The following NDE1 variants were observed in gnomAD, a reference collection of about 807,000 sequenced individuals.
The protein encoded by NDE1 is nudE neurodevelopment protein 1.
Under a neutral mutation model 43.4 loss-of-function variants are expected in NDE1, and 28 were observed. The observed-to-expected ratio is 0.65, with a 90% confidence interval of 0.48 to 0.89. The LOEUF is 0.89. Among genes scored for constraint, NDE1 ranks in the 40% least tolerant of loss-of-function variants. The pLI is 0.00. For synonymous variants in NDE1, 184 were observed against 172.0 expected (o/e 1.07, Z -0.55); for missense variants, 441 against 434.1 (o/e 1.02, Z -0.14).
chr16:15,653,751 G>A (rs1187999755), intron 1 of NDE1, among the ~76,000 whole-genome samples: 4 of 148,734 alleles, frequency 2.7e-5, no homozygotes, highest in Admixed American at 6.7e-5. Context: ...TTTTTGAGAC[G>A]GGTTCTCGCT....
chr16:15,659,853 A>C (rs1405481513), intron 1 of NDE1, among the ~76,000 whole-genome samples: 3 of 151,178 alleles, frequency 2.0e-5, no homozygotes, highest in African/African-American at 7.3e-5. Context: ...GGTTCAAGCA[A>C]TTCTCCTGCC....
At chr16:15,661,465 G>A (rs1294644587) in intron 1 of NDE1, among the ~76,000 whole-genome samples, 1 of 150,808 alleles carries the variant, frequency 6.6e-6, no homozygotes, top group Non-Finnish European at 1.5e-5. Flanking sequence ...CCTTTTGATT[G>A]TCCTTTTTTT....
At chr16:15,716,638 C>T (rs1218295919) in intron 8 of NDE1, among the ~76,000 whole-genome samples, 1 of 152,298 alleles carries the variant, frequency 6.6e-6, no homozygotes, top group Non-Finnish European at 1.5e-5. Context: ...TCTCCTGCCT[C>T]AGTCTCCTGA....
At chr16:15,683,972 T>A (rs2038308124) in intron 4 of NDE1, among the ~76,000 whole-genome samples, 2 of 152,222 alleles carry the variant, frequency 1.3e-5, no homozygotes, top group Non-Finnish European at 2.9e-5. Flanking sequence ...GGCTCACGCC[T>A]GTAATCCCAG....
intron 6 of NDE1, among the ~76,000 whole-genome samples, chr16:15,692,538 T>C (rs1489687372): frequency 1.3e-5 from 2 of 151,778 alleles, no homozygotes. Flanking sequence ...GCCTCCTGAG[T>C]AAGCTTGAAT....
At chr16:15,644,281 C>G (rs1266798674) in intron 1 of NDE1, among the ~76,000 whole-genome samples, 1 of 152,166 alleles carries the variant, frequency 6.6e-6, no homozygotes, top group Non-Finnish European at 1.5e-5. Flanking sequence ...CCAAAAAAAT[C>G]CTTACTGGGA....
chr16:15,646,638 A>G (rs2036335205), upstream of NDE1, among the ~76,000 whole-genome samples: 1 of 152,092 alleles, frequency 6.6e-6, no homozygotes, highest in Admixed American at 6.6e-5. Flanking sequence ...AGGCTGAGGC[A>G]GGAGAATCGC....
At chr16:15,646,331 C>CTT (rs1190827670), upstream of NDE1, among the ~76,000 whole-genome samples, 1 of 152,206 alleles carries the variant, frequency 6.6e-6, no homozygotes, top group African/African-American at 2.4e-5. Flanking sequence ...AATCCCAGCA[C>CTT]TTTGGGAGGC....
intron 8 of NDE1, among the ~76,000 whole-genome samples, chr16:15,702,286 A>G (rs891352848): frequency 6.6e-6 from 1 of 152,210 alleles, no homozygotes; most frequent in Non-Finnish European, 1.5e-5. Flanking sequence ...TATGGCCCTT[A>G]CTCTAAGAAT....
At chr16:15,678,834 T>C (rs1361605677) in intron 4 of NDE1, among the ~76,000 whole-genome samples, 1 of 152,124 alleles carries the variant, frequency 6.6e-6, no homozygotes, top group African/African-American at 2.4e-5. Flanking sequence ...CCCAGCACTT[T>C]TGGAGGCCGA....
chr16:15,650,032 G>A (rs1179207383), upstream of NDE1, among the ~76,000 whole-genome samples: 1 of 152,198 alleles, frequency 6.6e-6, no homozygotes, highest in African/African-American at 2.4e-5. Context: ...CCCAGCGCCC[G>A]GCAGCCGGCG....
At chr16:15,688,689 C>CTTTTTATTTTTTTTTTT (rs1277177970) in intron 5 of NDE1, among the ~76,000 whole-genome samples, 3 of 59,990 alleles carry the variant, frequency 5.0e-5, no homozygotes, top group Admixed American at 2.7e-4. Context: ...TTGTTTTTAC[C>CTTTTTATTTTTTTTTTT]TTTTTTTTTT....
intron 6 of NDE1, among the ~76,000 whole-genome samples, chr16:15,691,825 T>C (rs1335335994): frequency 6.6e-6 from 1 of 151,646 alleles, no homozygotes; most frequent in African/African-American, 2.4e-5. Flanking sequence ...GACACAGTCT[T>C]GCCATGTCGC....
At chr16:15,711,096 G>T (rs1567677869) in intron 8 of NDE1, 1 of 152,234 alleles carries the variant, frequency 6.6e-6, no homozygotes, top group African/African-American at 2.4e-5. Flanking sequence ...ATCCATGGGG[G>T]ACCAACAAGC....
chr16:15,686,869 A>G (rs1808588401), intron 4 of NDE1: 1 of 564,544 alleles, frequency 1.8e-6, no homozygotes, highest in East Asian at 1.5e-4. Context: ...TTGTATTTCT[A>G]GTAGAGACAG....
intron 8 of NDE1, chr16:15,701,584 A>C (rs943160699): frequency 2.0e-5 from 3 of 152,202 alleles, no homozygotes; most frequent in Non-Finnish European, 4.4e-5. Context: ...TTCCTTGTCA[A>C]AGACGTGAAC....
At chr16:15,718,550 C>T in intron 8 of NDE1, 1 of 1,430,832 alleles carries the variant, frequency 7.0e-7, no homozygotes, top group Non-Finnish European at 9.3e-7. Context: ...ATGGGTGAAA[C>T]TGAGGCTTGG....
In NDE1 at chr16:15,725,173, G is replaced by C; in HGVS notation, c.*922G>C. 1 of 637,214 alleles carries C rather than the reference G, an allele frequency of 1.6e-6. No individual in the cohort carries two copies. Among genetic ancestry groups the C allele is most frequent in the Non-Finnish European group, 2.7e-6 (1 of 364,604 alleles). The allele number at this position is 637,214 out of a possible 1,614,324, so 39.5% of individuals were successfully genotyped here. A position where few individuals can be genotyped will look rare whatever the true frequency, so the allele number is the denominator to read the frequency against. Reference sequence around the variant, plus strand: ...AACACACACACACACAAAAAAAACAGAATCTGTGGCTTGAAGGGAACTCCG... The same window carrying C: ...AACACACACACACACAAAAAAAACACAATCTGTGGCTTGAAGGGAACTCCG... On this transcript the variant is annotated 3_prime_UTR_variant, in exon 9 of 9. Transcript: ENST00000396354.
At chr16:15,701,417 G>C (rs189020065) in intron 8 of NDE1, 4 of 152,290 alleles carry the variant, frequency 2.6e-5, no homozygotes, top group Admixed American at 2.6e-4. Context: ...GTCCCCTGGT[G>C]GGGTGGGGGG....
Sources: gnomAD v4.1 joint callset for allele counts (sites outside exome capture counted in the v4.1 genomes callset) on GRCh38, gnomAD v4.1.1 for gene constraint, MANE v1.5 for transcripts, NCBI Gene and HGNC (gene_info 2026-07-23, HGNC 2026-07-21) for gene names.